The following SUSD1 variants were observed in gnomAD, a reference collection of about 807,000 sequenced individuals.
SUSD1 encodes the protein sushi domain containing 1.
Under a neutral mutation model 86.9 loss-of-function variants are expected in SUSD1, and 65 were observed. The ratio of observed to expected loss-of-function variants is 0.75; its 90% confidence interval spans 0.61 to 0.92. The LOEUF (loss-of-function observed/expected upper bound fraction) is 0.92. Among genes scored for constraint, SUSD1 ranks in the 40% least tolerant of loss-of-function variants. SUSD1 has a pLI of 0.00. For synonymous variants in SUSD1, 346 were observed against 350.0 expected (o/e 0.99, Z 0.13); for missense variants, 850 against 929.7 (o/e 0.91, Z 1.11).
chr9:112,166,285 G>A (rs1024049909), intron 1 of SUSD1, among the ~76,000 whole-genome samples: 3 of 152,198 alleles, frequency 2.0e-5, no homozygotes, highest in East Asian at 1.9e-4. Flanking sequence ...ACCTGGAGAC[G>A]GAGTGACTAA....
intron 12 of SUSD1, among the ~76,000 whole-genome samples, chr9:112,074,840 T>G (rs1325904422): frequency 6.6e-6 from 1 of 152,056 alleles, no homozygotes; most frequent in Non-Finnish European, 1.5e-5. Flanking sequence ...GCAACTTGAT[T>G]TTTTTATGCT....
At chr9:112,174,793 TCCCCGGGCGCCGCCCTG>T (rs1275684641) in intron 1 of SUSD1, among the ~76,000 whole-genome samples, 14 of 151,624 alleles carry the variant, frequency 9.2e-5, no homozygotes, top group African/African-American at 2.9e-4. Flanking sequence ...TCCCCGCCCT[TCCCCGGGCGCCGCCCTG>T]CCCGGGTCCG....
intron 3 of SUSD1, among the ~76,000 whole-genome samples, chr9:112,148,101 T>C (rs1832884647): frequency 6.6e-6 from 1 of 152,216 alleles, no homozygotes; most frequent in Non-Finnish European, 1.5e-5. Flanking sequence ...AGATAAAATA[T>C]GTTCTCCTTT....
Position 112,142,507 on chromosome 9 carries a change from T to C in SUSD1, c.527-8A>G. Reference sequence around the variant, plus strand: ...GGGTACCACAGTCTATTTCTGAAAATAAATTAATGTCAAATTCATTACCTC... The same window carrying C: ...GGGTACCACAGTCTATTTCTGAAAACAAATTAATGTCAAATTCATTACCTC... On this transcript the variant is annotated splice_polypyrimidine_tract_variant and splice_region_variant and intron_variant, in intron 4 of 16. Transcript: ENST00000374270. 6.2e-7 allele frequency: 1 copy of C among 1,603,794 alleles called. No homozygotes were observed. The highest frequency in any genetic ancestry group is 8.5e-7 in the Non-Finnish European group (1 of 1,177,504).
intron 1 of SUSD1, among the ~76,000 whole-genome samples, chr9:112,161,278 G>C (rs1280935914): frequency 6.6e-6 from 1 of 151,874 alleles, no homozygotes; most frequent in Non-Finnish European, 1.5e-5. Context: ...TACTCAGGAG[G>C]CTAAAGCAGG....
intron 1 of SUSD1, among the ~76,000 whole-genome samples, chr9:112,170,504 C>A (rs981600693): frequency 5.3e-5 from 8 of 151,990 alleles, no homozygotes; most frequent in Non-Finnish European, 7.4e-5. Context: ...GGCCCTGCAC[C>A]CCACCCAGCC....
Position 112,129,256 on chromosome 9 carries a change from C to T in SUSD1, c.707-4820G>A, listed in dbSNP as rs201410637. 5.9e-5 allele frequency among the ~76,000 whole-genome samples: 9 copies of T among 152,222 alleles called. No individual in the cohort carries two copies. In the East Asian group the frequency reaches 1.4e-3, roughly 23 times the overall value. On this transcript the variant is annotated intron_variant, in intron 5 of 16. Transcript: ENST00000374270. ...AGGGGGGTGGAATAAAGACTATTAC[C>T]TACACTTAGAGATATACGAAGTATA...
In SUSD1 at chr9:112,111,274, G is replaced by A. The variant is rs183180484; in HGVS notation, c.1171+380C>T. On this transcript the variant is annotated intron_variant, in intron 8 of 16. Transcript: ENST00000374270. ...CTCCCAAAGTGCTGGGATTATAGGC[G>A]TGAGCCACCACACCTGGCCAGAAAT... 3.8e-3 allele frequency among the ~76,000 whole-genome samples: 585 copies of A among 152,300 alleles called. 1 individual carries two copies. The highest frequency in any genetic ancestry group is 0.013 in the African/African-American group (541 of 41,558).
intron 6 of SUSD1, among the ~76,000 whole-genome samples, chr9:112,121,553 T>C (rs1786653835): frequency 6.6e-6 from 1 of 152,160 alleles, no homozygotes; most frequent in Admixed American, 6.6e-5. Flanking sequence ...ATGGACAGAT[T>C]TCCTCAAATT....
chr9:112,041,949 T>C lies in SUSD1; in HGVS notation c.2161A>G (p.Met721Val). Residue 721 changes from methionine to valine, a missense_variant, in exon 16 of 17, where the codon ATG becomes GTG. Met to Val is a conservative substitution (Grantham distance 21). Transcript: ENST00000374270. ...CCAACACCCGCCATCTGCAGCAGCA[T>C]GAGTGACGAATCTGTGGGACAAAAC... ...VWAQVKDSSL[M>V]LLQMAGVGLG... 6.2e-7 allele frequency: 1 copy of C among 1,613,890 alleles called. No individual in the cohort carries two copies. Among genetic ancestry groups the C allele is most frequent in the Non-Finnish European group, 8.5e-7 (1 of 1,179,892 alleles).
At chr9:112,150,421 C>T (rs772541525) in intron 2 of SUSD1, among the ~76,000 whole-genome samples, 1 of 152,192 alleles carries the variant, frequency 6.6e-6, no homozygotes, top group Non-Finnish European at 1.5e-5. Flanking sequence ...CACCAGTGGG[C>T]CCCTCATATC....
intron 4 of SUSD1, among the ~76,000 whole-genome samples, chr9:112,142,961 CTTTTT>C (rs529470594): frequency 3.0e-4 from 9 of 30,216 alleles, no homozygotes; most frequent in African/African-American, 7.5e-4. Context: ...TGAATTTTAG[CTTTTT>C]TTTTTTTTTT....
chr9:112,131,258 A>G (rs1314488357), intron 5 of SUSD1, among the ~76,000 whole-genome samples: 1 of 152,162 alleles, frequency 6.6e-6, no homozygotes, highest in Non-Finnish European at 1.5e-5. Context: ...TTGGTTCTCT[A>G]ATCTTACAGG....
Position 112,096,415 on chromosome 9 carries a change from A to G in SUSD1, c.1474+2055T>C, listed in dbSNP as rs1003276943. On this transcript the variant is annotated intron_variant, in intron 10 of 16. Coordinates refer to ENST00000374270, the MANE Select transcript of SUSD1 (RefSeq NM_022486.5). ...ACAAGATTCCTAGGTTTCAACAGCT[A>G]GAACACACTCTCCACTCAGCAGGAC... 2.6e-5 allele frequency among the ~76,000 whole-genome samples: 4 copies of G among 152,230 alleles called. No homozygotes were observed. The East Asian group carries it at 7.7e-4, about 29-fold the overall frequency.
chr9:112,144,919 T>C (rs16936410), intron 3 of SUSD1, among the ~76,000 whole-genome samples: 36,506 of 151,968 alleles, frequency 0.24, 4,833 homozygotes, highest in African/African-American at 0.34. Flanking sequence ...TTAGTAGTTT[T>C]TTCCCTCAGA....
chr9:112,157,788 A>G (rs1231788192), intron 1 of SUSD1, among the ~76,000 whole-genome samples, 175 bp from the exon 2 acceptor site: 1 of 150,992 alleles, frequency 6.6e-6, no homozygotes, highest in East Asian at 1.9e-4. Context: ...TAAAGTGCAA[A>G]TCTCTTCCTC....
At chr9:112,144,802 C>G (rs920114913) in intron 3 of SUSD1, among the ~76,000 whole-genome samples, 2 of 120,488 alleles carry the variant, frequency 1.7e-5, no homozygotes, top group African/African-American at 7.3e-5. Flanking sequence ...ACAGGACATG[C>G]CCTTTTGCAG....
At chr9:112,174,284 C>G (rs1042897447) in intron 1 of SUSD1, among the ~76,000 whole-genome samples, 1 of 152,096 alleles carries the variant, frequency 6.6e-6, no homozygotes, top group Non-Finnish European at 1.5e-5. Flanking sequence ...CATTGATGGC[C>G]CAGCTCAAGG....
At chr9:112,157,410 T>C (rs1833374356) in intron 2 of SUSD1, 90 bp downstream of exon 2, 2 of 838,352 alleles carry the variant, frequency 2.4e-6, no homozygotes, top group South Asian at 3.4e-5. Context: ...AAAATAACAA[T>C]GTTTTTCCCC....
Sources: gnomAD v4.1 joint callset for allele counts (sites outside exome capture counted in the v4.1 genomes callset) on GRCh38, gnomAD v4.1.1 for gene constraint, MANE v1.5 for transcripts, NCBI Gene and HGNC (gene_info 2026-07-23, HGNC 2026-07-21) for gene names.